REXO1: variants seen among roughly 807,000 people sequenced by gnomAD.
REXO1 encodes RNA exonuclease 1 homolog.
In REXO1, 42 loss-of-function variants were observed where a neutral mutation model predicts 102.6. The ratio of observed to expected loss-of-function variants is 0.41; its 90% CI spans 0.32 to 0.53. The LOEUF (loss-of-function observed/expected upper bound fraction) is 0.53. REXO1 is among the 20% of genes least tolerant of loss of function. REXO1 has a pLI of 0.27. For missense variants in REXO1, 1,819 were observed against 1,732.5 expected (o/e 1.05, Z -0.89); for synonymous variants, 908 against 779.1 (o/e 1.17, Z -2.76).
At chr19:1,836,922 A>G (rs756347768) in intron 1 of REXO1, among the ~76,000 whole-genome samples, 3 of 152,140 alleles carry the variant, frequency 2.0e-5, no homozygotes, top group Non-Finnish European at 4.4e-5. Flanking sequence ...CCAGATGGAA[A>G]CAGACAGTCC....
intron 1 of REXO1, among the ~76,000 whole-genome samples, chr19:1,835,380 TA>T (rs2070010675): frequency 6.6e-6 from 1 of 151,646 alleles, no homozygotes; most frequent in South Asian, 2.1e-4. Context: ...CCACCTCTAC[TA>T]AAAAATACAA....
Position 1,815,556 on chromosome 19 carries a change from C to T in REXO1, c.*510G>A. 1 of 609,634 alleles carries T rather than the reference C, an allele frequency of 1.6e-6. No individual in the cohort carries two copies. Among genetic ancestry groups the T allele is most frequent in the Non-Finnish European group, 2.3e-6 (1 of 432,442 alleles). 37.8% of individuals were successfully genotyped at this position (609,634 alleles called of 1,614,324 possible). ...CCCTGGCCCCCACTGGGGTCTGTCC[C>T]ACCCCCACCCCGCAGGAGGGAAGGC... is the stretch of plus-strand genomic sequence containing the variant. On this transcript the variant is annotated 3_prime_UTR_variant, in exon 16 of 16. Coordinates refer to ENST00000170168, the MANE Select transcript of REXO1 (RefSeq NM_020695.4). The surrounding 1 kb of genome is among the most constrained non-coding windows in gnomAD (Gnocchi z 4.0).
At chr19:1,818,100 TG>T (rs2069425069) in intron 10 of REXO1, among the ~76,000 whole-genome samples, 1 of 152,166 alleles carries the variant, frequency 6.6e-6, no homozygotes, top group Admixed American at 6.5e-5. Flanking sequence ...CCATGTGCCC[TG>T]AGCGTGGCTG....
chr19:1,832,307 C>T (rs2069928250), intron 1 of REXO1, among the ~76,000 whole-genome samples: 3 of 152,242 alleles, frequency 2.0e-5, no homozygotes, highest in African/African-American at 4.8e-5. Flanking sequence ...CTTTGGACTT[C>T]CCAGCCCAGC....
At position 1,827,078 on chromosome 19, in the gene REXO1, T is replaced by G; in HGVS notation, c.1711A>C (p.Lys571Gln). The part of the protein sequence containing the change: ...PEAQGPPKRL[K>Q]ASPPPSPAPS... Reference sequence around the variant, plus strand: ...GCGGGGGAGGGGGGCGGGGAGGCCTTGAGCCGCTTGGGCGGCCCCTGCGCC... The same window carrying G: ...GCGGGGGAGGGGGGCGGGGAGGCCTGGAGCCGCTTGGGCGGCCCCTGCGCC... The change falls in exon 2 of 16, where the codon AAG becomes CAG. Residue 571 changes from lysine (K) to glutamine (Q), a missense_variant. Transcript: ENST00000170168. The G allele has an allele frequency of 6.5e-7, 1 of 1,540,616 alleles. No individual in the cohort carries two copies. The highest frequency in any genetic ancestry group is 8.7e-7 in the Non-Finnish European group (1 of 1,145,020).
intron 10 of REXO1, among the ~76,000 whole-genome samples, 157 bp from the exon 11 acceptor site, chr19:1,817,937 G>C (rs988000760): frequency 6.6e-6 from 1 of 152,184 alleles, no homozygotes; most frequent in African/African-American, 2.4e-5. Context: ...ACCAGGCCCC[G>C]GCAGTCGTGT....
intron 1 of REXO1, among the ~76,000 whole-genome samples, chr19:1,847,305 G>T (rs1270054211): frequency 6.6e-6 from 1 of 152,226 alleles, no homozygotes; most frequent in Admixed American, 6.5e-5. Flanking sequence ...CTCTTTTGCA[G>T]GAAAAGGTTC....
intron 1 of REXO1, among the ~76,000 whole-genome samples, chr19:1,846,670 C>T (rs527933497): frequency 1.3e-5 from 2 of 152,296 alleles, no homozygotes; most frequent in African/African-American, 4.8e-5. Context: ...AGGAGGTCGG[C>T]TCGAGGCCAG....
intron 1 of REXO1, among the ~76,000 whole-genome samples, chr19:1,837,613 C>T (rs1178982926): frequency 1.3e-5 from 2 of 152,236 alleles, no homozygotes; most frequent in Non-Finnish European, 2.9e-5. Context: ...AGACTCCACC[C>T]AGGTCTCAGA....
rs2069746882 is a variant in REXO1, at chr19:1,827,015, TGGAGGTGGAGGA to T, written c.1762_1773del (p.Ser589_Ser592del). On this transcript the variant is annotated inframe_deletion, in exon 2 of 16. Transcript: ENST00000170168. ...GAGTAGTCCACATCCGCCCCCGCGCTGGAGGTGGAGGAGGAGGAGGAGGAGGAGGAGGATGGG... is the reference window on the plus strand; with the variant it reads ...GAGTAGTCCACATCCGCCCCCGCGCTGGAGGAGGAGGAGGAGGAGGATGGG... The T allele has an allele frequency of 1.5e-6, 2 of 1,372,518 alleles. No individual in the cohort carries two copies. Among genetic ancestry groups the T allele is most frequent in the Non-Finnish European group, 9.6e-7 (1 of 1,036,858 alleles). 85.0% of individuals were successfully genotyped at this position (1,372,518 alleles called of 1,614,324 possible).
chr19:1,820,375 G>T lies in REXO1; in HGVS notation c.2415C>A (p.Ile805=). 1 of 1,613,696 alleles carries T rather than the reference G, an allele frequency of 6.2e-7. No individual in the cohort carries two copies. Among genetic ancestry groups the T allele is most frequent in the Non-Finnish European group, 8.5e-7 (1 of 1,179,914 alleles). The change falls in exon 6 of 16, where the codon ATC becomes ATA. Residue 805 remains isoleucine, a synonymous_variant. Transcript: ENST00000170168. ...PSLQSLKKPI[I]PKEFGGKVPT... ...GGACTTTGCCCCCAAACTCTTTGGGGATAATGGGTTTCTTTAAACTCTAGA... is the reference window on the plus strand; with the variant it reads ...GGACTTTGCCCCCAAACTCTTTGGGTATAATGGGTTTCTTTAAACTCTAGA...
Position 1,826,241 on chromosome 19 carries a change from C to T in REXO1, c.1912-298G>A, listed in dbSNP as rs1334681343. ...CTGGGAAAGCGAGGCCACCTTGGGC[C>T]GAACCAGCTGCTGCGGGCTGAGCAC... On this transcript the variant is annotated intron_variant, in intron 2 of 15. Transcript: ENST00000170168. This position sits in a 1 kb window ranked among gnomAD's most constrained non-coding sequence, Gnocchi z 4.3. Among the ~76,000 whole-genome samples, 4 of 152,118 alleles carry T rather than the reference C, an allele frequency of 2.6e-5. No homozygotes were observed. Among genetic ancestry groups the T allele is most frequent in the Non-Finnish European group, 4.4e-5 (3 of 68,028 alleles).
chr19:1,816,199 G>A, intron 15 of REXO1, 26 bp downstream of exon 15: 2 of 1,571,314 alleles, frequency 1.3e-6, no homozygotes, highest in Non-Finnish European at 1.7e-6. Flanking sequence ...CGCAGGGACG[G>A]CCCCAGGGCA....
chr19:1,820,615 G>C (rs2069505491), intron 5 of REXO1, among the ~76,000 whole-genome samples: 1 of 152,212 alleles, frequency 6.6e-6, no homozygotes, highest in African/African-American at 2.4e-5. Flanking sequence ...TGAGGCCATG[G>C]GGGCACAAGG....
intron 1 of REXO1, among the ~76,000 whole-genome samples, chr19:1,832,013 T>C (rs1017219805): frequency 2.0e-5 from 3 of 150,702 alleles, no homozygotes; most frequent in Non-Finnish European, 4.4e-5. Context: ...ACTCAGCCAA[T>C]AGACTGCAGG....
At position 1,826,743 on chromosome 19, in the gene REXO1, C is replaced by A; in HGVS notation, c.1911+135G>T. ...TGAGCTCCTGAGATTTCAACGGGCT[C>A]AGGGACCAGCACTGAGGAGCTGCCT... On this transcript the variant is annotated intron_variant, in intron 2 of 15. Coordinates refer to ENST00000170168, the MANE Select transcript of REXO1 (RefSeq NM_020695.4). This position sits in a 1 kb window ranked among gnomAD's most constrained non-coding sequence, Gnocchi z 4.3. 7.1e-7 allele frequency: 1 copy of A among 1,410,274 alleles called. No homozygotes were observed. The highest frequency in any genetic ancestry group is 9.3e-7 in the Non-Finnish European group (1 of 1,072,262). 87.4% of individuals were successfully genotyped at this position (1,410,274 alleles called of 1,614,324 possible). A position where few individuals can be genotyped will look rare whatever the true frequency, so the allele number is the denominator to read the frequency against.
At position 1,817,712 on chromosome 19, in the gene REXO1, C is replaced by G; in HGVS notation, c.3085G>C (p.Ala1029Pro). The change falls in exon 11 of 16, where the codon GCA becomes CCA. Residue 1029 changes from alanine (A) to proline (P), a missense_variant. Physicochemically the swap from Ala to Pro is conservative, Grantham distance 27. Coordinates refer to ENST00000170168, the MANE Select transcript of REXO1 (RefSeq NM_020695.4). ...ACTGGGACGCCAGGGCTCACCTTTG[C>G]GACTTGGCAGCCGACAGAGCCGGCG... The part of the protein sequence containing the change: ...AAAGSVGCQV[A>P]KQHVQDGRKE... The G allele has an allele frequency of 6.2e-7, 1 of 1,612,156 alleles. No homozygotes were observed. Among genetic ancestry groups the G allele is most frequent in the East Asian group, 2.2e-5 (1 of 44,864 alleles).
chr19:1,844,492 T>C (rs563441347), intron 1 of REXO1, among the ~76,000 whole-genome samples: 1 of 152,166 alleles, frequency 6.6e-6, no homozygotes, highest in South Asian at 2.1e-4. Context: ...CTTCAGGAGA[T>C]ATTGGGTACA....
chr19:1,831,538 A>C (rs999134550), intron 1 of REXO1, among the ~76,000 whole-genome samples: 1 of 151,956 alleles, frequency 6.6e-6, no homozygotes, highest in South Asian at 2.1e-4. Flanking sequence ...CCCAGCAGGC[A>C]TAAGAAAGAA....
Sources: allele counts gnomAD v4.1 joint callset (sites outside exome capture counted in the v4.1 genomes callset), GRCh38; gene constraint gnomAD v4.1.1; non-coding constraint Gnocchi (gnomAD v3.1); transcripts MANE v1.5; gene names NCBI Gene and HGNC (gene_info 2026-07-23, HGNC 2026-07-21).